MAML3: variants seen among roughly 807,000 people sequenced by gnomAD.
MAML3 encodes the protein mastermind-like protein 3.
A neutral mutation model predicts 101.9 loss-of-function variants in MAML3; 27 were observed. The observed-to-expected ratio is 0.27, with a 90% CI of 0.20 to 0.37. MAML3 has a LOEUF of 0.37. Among genes scored for constraint, MAML3 ranks in the 10% least tolerant of loss-of-function variants. The pLI, the probability that MAML3 is intolerant of heterozygous loss-of-function variation, is 1.00. For missense variants in MAML3, 1,316 were observed against 1,444.9 expected (o/e 0.91, Z 1.45); for synonymous variants, 501 against 555.9 (o/e 0.90, Z 1.39).
At chr4:140,053,625 T>A (rs996167868) in intron 1 of MAML3, among the ~76,000 whole-genome samples, 4 of 152,166 alleles carry the variant, frequency 2.6e-5, no homozygotes, top group African/African-American at 9.7e-5. Context: ...AATTTTTGAC[T>A]GAATATATCA....
chr4:139,962,621 A>G (rs926234255), intron 1 of MAML3, among the ~76,000 whole-genome samples: 4 of 152,246 alleles, frequency 2.6e-5, no homozygotes, highest in Non-Finnish European at 5.9e-5. Context: ...CAAGAAAGAT[A>G]GGGATAGGGT....
At chr4:140,144,715 T>A (rs1578707809) in intron 1 of MAML3, among the ~76,000 whole-genome samples, 1 of 152,132 alleles carries the variant, frequency 6.6e-6, no homozygotes, top group Non-Finnish European at 1.5e-5. Flanking sequence ...TTTCAGCAAG[T>A]TCTCCAAGTT....
At chr4:139,941,746 C>T (rs1332921133) in intron 1 of MAML3, among the ~76,000 whole-genome samples, 2 of 152,170 alleles carry the variant, frequency 1.3e-5, no homozygotes, top group African/African-American at 4.8e-5. Flanking sequence ...TGATGATCAG[C>T]TTTGCGCCCG....
At chr4:140,112,347 T>C (rs1326657868) in intron 1 of MAML3, among the ~76,000 whole-genome samples, 1 of 152,174 alleles carries the variant, frequency 6.6e-6, no homozygotes, top group Non-Finnish European at 1.5e-5. Flanking sequence ...CCCAAGAATG[T>C]AGCCATTTCT....
In MAML3 at chr4:139,730,753, G is replaced by A. The variant is rs913874689; in HGVS notation, c.2080-86C>T. ...AGGGAAGCCCCTGGAAAAAGGGAAC[G>A]GGGCAGAAGTCCCAGCTTATGGACT... On this transcript the variant is annotated intron_variant, in intron 2 of 4. Coordinates refer to ENST00000509479, the MANE Select transcript of MAML3 (RefSeq NM_018717.5). 233 of 1,252,836 alleles carry A rather than the reference G, an allele frequency of 1.9e-4. No individual in the cohort carries two copies. The East Asian group carries it at 5.0e-3, about 27-fold the overall frequency. The allele number at this position is 1,252,836 out of a possible 1,614,324, so 77.6% of individuals were successfully genotyped here. A position where few individuals can be genotyped will look rare whatever the true frequency, so the allele number is the denominator to read the frequency against.
At chr4:140,004,316 T>C (rs1210765428) in intron 1 of MAML3, among the ~76,000 whole-genome samples, 2 of 152,078 alleles carry the variant, frequency 1.3e-5, no homozygotes, top group Non-Finnish European at 2.9e-5. Context: ...GGAAGGACCA[T>C]TTACCCCCAC....
chr4:140,083,360 A>G (rs1227343088), intron 1 of MAML3, among the ~76,000 whole-genome samples: 1 of 152,244 alleles, frequency 6.6e-6, no homozygotes, highest in Non-Finnish European at 1.5e-5. Context: ...GCTGCTCTGC[A>G]AATGATTTCT....
intron 2 of MAML3, among the ~76,000 whole-genome samples, chr4:139,839,469 A>AT (rs5862438): frequency 0.29 from 41,937 of 146,100 alleles, 7,487 homozygotes; most frequent in Admixed American, 0.4. Context: ...AGTCCAACAG[A>AT]TTTTTTTTTT....
chr4:140,042,160 A>C (rs1048045012), intron 1 of MAML3, among the ~76,000 whole-genome samples: 7 of 152,194 alleles, frequency 4.6e-5, no homozygotes, highest in Non-Finnish European at 1.0e-4. Flanking sequence ...CCAACCCAGC[A>C]CCCAGCCATT....
Position 139,730,417 on chromosome 4 carries a change from T to C in MAML3, c.2330A>G (p.Gln777Arg), listed in dbSNP as rs576931206. 105 of 1,529,420 alleles carry C rather than the reference T, an allele frequency of 6.9e-5. No individual in the cohort carries two copies. Among genetic ancestry groups the C allele is most frequent in the Non-Finnish European group, 8.8e-5 (101 of 1,141,520 alleles). The allele number at this position is 1,529,420 out of a possible 1,614,324, so 94.7% of individuals were successfully genotyped here. ...QQQQQQILAE[Q>R]QLQQSHLPRQ... ...GAATCACGCCAAGGGGCATGTTACC[T>C]GTTCCGCCAAAATCTGCTGCTGCTG... Residue 777 changes from glutamine to arginine, a missense_variant and splice_region_variant, in exon 3 of 5, where the codon CAG (glutamine) becomes CGG (arginine). Gln to Arg is a conservative substitution (Grantham distance 43). Transcript: ENST00000509479.
intron 2 of MAML3, among the ~76,000 whole-genome samples, chr4:139,828,554 G>A (rs1322616877): frequency 2.0e-5 from 3 of 152,150 alleles, no homozygotes; most frequent in Non-Finnish European, 2.9e-5. Context: ...AAAGCCCTGA[G>A]CATCATGGAG....
At chr4:140,010,596 G>A (rs938987382) in intron 1 of MAML3, among the ~76,000 whole-genome samples, 1 of 152,026 alleles carries the variant, frequency 6.6e-6, no homozygotes, top group Non-Finnish European at 1.5e-5. Flanking sequence ...CCAGTAATAC[G>A]TTTTTAAGAT....
chr4:140,068,424 ATGTAGTG>A (rs1727575561), intron 1 of MAML3, among the ~76,000 whole-genome samples: 1 of 152,238 alleles, frequency 6.6e-6, no homozygotes, highest in African/African-American at 2.4e-5. Context: ...TTTCAAAGAC[ATGTAGTG>A]GGTGTGAGTG....
chr4:139,876,326 A>G (rs1377656223), intron 2 of MAML3, among the ~76,000 whole-genome samples: 1 of 152,206 alleles, frequency 6.6e-6, no homozygotes, highest in Non-Finnish European at 1.5e-5. Context: ...TTCTATTTTG[A>G]TTGGACAGTG....
chr4:140,022,620 C>T (rs185112275), intron 1 of MAML3, among the ~76,000 whole-genome samples: 8 of 152,266 alleles, frequency 5.3e-5, no homozygotes, highest in African/African-American at 1.4e-4. Flanking sequence ...CTAGAAATAG[C>T]AAAATGTGTG....
intron 2 of MAML3, among the ~76,000 whole-genome samples, chr4:139,859,635 AG>A (rs1341146156): frequency 6.6e-6 from 1 of 152,320 alleles, no homozygotes; most frequent in East Asian, 1.9e-4. Context: ...ACTAAGTGCT[AG>A]GAACTGTGTT....
chr4:139,790,757 C>T (rs986907202), intron 2 of MAML3, among the ~76,000 whole-genome samples: 4 of 152,114 alleles, frequency 2.6e-5, no homozygotes, highest in Non-Finnish European at 4.4e-5. Context: ...AACATTCCAT[C>T]GTATGTACAT....
At chr4:140,004,052 G>T (rs1278493595) in intron 1 of MAML3, among the ~76,000 whole-genome samples, 1 of 152,220 alleles carries the variant, frequency 6.6e-6, no homozygotes, top group Non-Finnish European at 1.5e-5. Context: ...GCACTTTAAG[G>T]TAAGGCTGCA....
chr4:139,908,806 G>C (rs1030936845), intron 1 of MAML3, among the ~76,000 whole-genome samples: 1 of 152,202 alleles, frequency 6.6e-6, no homozygotes, highest in African/African-American at 2.4e-5. Flanking sequence ...TCTTAGGTTT[G>C]TTGGAACTCT....
Sources: gnomAD v4.1 joint callset for allele counts (sites outside exome capture counted in the v4.1 genomes callset) on GRCh38, gnomAD v4.1.1 for gene constraint, MANE v1.5 for transcripts, NCBI Gene and HGNC (gene_info 2026-07-23, HGNC 2026-07-21) for gene names.